Variants in NMNAT2 observed in about 807,000 individuals in gnomAD.
NMNAT2 encodes the protein nicotinamide/nicotinic acid mononucleotide adenylyltransferase 2.
In NMNAT2, 11 loss-of-function variants were observed where a neutral mutation model predicts 41.6. The ratio of observed to expected loss-of-function variants is 0.26; its 90% CI spans 0.17 to 0.44. The LOEUF (loss-of-function observed/expected upper bound fraction) is 0.44, where lower values mean the gene tolerates loss of function less well. Among genes scored for constraint, NMNAT2 ranks in the 20% least tolerant of loss-of-function variants. The pLI is 1.00. For synonymous variants in NMNAT2, 148 were observed against 151.2 expected (o/e 0.98, Z 0.16); for missense variants, 288 against 407.7 (o/e 0.71, Z 2.53).
At chr1:183,284,315 C>T (rs948673983) in intron 6 of NMNAT2, among the ~76,000 whole-genome samples, 1 of 152,210 alleles carries the variant, frequency 6.6e-6, no homozygotes, top group Non-Finnish European at 1.5e-5. Flanking sequence ...CACACACGCT[C>T]ATGCTGAGCG....
chr1:183,254,279 C>T (rs1047596099), intron 10 of NMNAT2, among the ~76,000 whole-genome samples: 11 of 152,114 alleles, frequency 7.2e-5, no homozygotes, highest in Non-Finnish European at 1.2e-4. Context: ...AATAGCTATT[C>T]TAATAGGTGT....
At chr1:183,330,575 T>C (rs1662561309) in intron 1 of NMNAT2, among the ~76,000 whole-genome samples, 1 of 152,192 alleles carries the variant, frequency 6.6e-6, no homozygotes, top group African/African-American at 2.4e-5. Context: ...TTGGTGGCAC[T>C]GGCGCCACAG....
chr1:183,406,781 AT>A (rs1391592458), intron 1 of NMNAT2, among the ~76,000 whole-genome samples: 2 of 151,758 alleles, frequency 1.3e-5, no homozygotes, highest in African/African-American at 4.8e-5. Context: ...CTGCAACTAA[AT>A]AAAAAAGAAA....
chr1:183,347,635 C>T (rs1188933923), intron 1 of NMNAT2, among the ~76,000 whole-genome samples: 1 of 152,090 alleles, frequency 6.6e-6, no homozygotes, highest in African/African-American at 2.4e-5. Context: ...TTTTTAAAGC[C>T]CTCAGCACTG....
rs114111577 is a variant in NMNAT2, at chr1:183,359,623, C to T, written c.85+58560G>A. On this transcript the variant is annotated intron_variant, in intron 1 of 10. Coordinates refer to ENST00000287713, the MANE Select transcript of NMNAT2 (RefSeq NM_015039.4). ...CCAAGCAGGACAGAGGGCATCTTGT[C>T]CTTGTAAGGGATATGTAAGGTGGAG... Among the ~76,000 whole-genome samples the T allele has an allele frequency of 1.6e-3, 243 of 152,222 alleles. 1 individual carries two copies. The highest frequency in any genetic ancestry group is 5.7e-3 in the African/African-American group (236 of 41,544).
chr1:183,252,287 A>G lies in NMNAT2; in HGVS notation c.*354T>C, dbSNP rs201033352. 4.3e-6 allele frequency: 1 copy of G among 233,768 alleles called. No individual in the cohort carries two copies. The highest frequency in any genetic ancestry group is 8.3e-6 in the Non-Finnish European group (1 of 119,912). The allele number at this position is 233,768 out of a possible 1,614,324, so 14.5% of individuals were successfully genotyped here. ...CGCCTCTCTAGAGCATGCTGGGAGG[A>G]TGGGCACCAGAGCCGCCTCCCCAGA... On this transcript the variant is annotated 3_prime_UTR_variant, in exon 11 of 11. Coordinates refer to ENST00000287713, the MANE Select transcript of NMNAT2 (RefSeq NM_015039.4).
chr1:183,385,605 T>C (rs981680540), intron 1 of NMNAT2, among the ~76,000 whole-genome samples: 1 of 152,122 alleles, frequency 6.6e-6, no homozygotes, highest in African/African-American at 2.4e-5. Flanking sequence ...GGAATTTTTT[T>C]TTTTTTTCCA....
intron 1 of NMNAT2, among the ~76,000 whole-genome samples, chr1:183,387,265 G>A (rs1471426342): frequency 1.4e-5 from 2 of 146,102 alleles, no homozygotes; most frequent in African/African-American, 5.0e-5. Context: ...TGTTCTTATC[G>A]AGAAAATATT....
chr1:183,297,788 T>C (rs1368989296), intron 1 of NMNAT2, among the ~76,000 whole-genome samples: 2 of 152,230 alleles, frequency 1.3e-5, no homozygotes, highest in Admixed American at 6.5e-5. Context: ...TCCTTTATGA[T>C]TGAATACTCA....
intron 10 of NMNAT2, among the ~76,000 whole-genome samples, chr1:183,259,725 G>A (rs1043761492): frequency 4.6e-5 from 7 of 152,034 alleles, no homozygotes; most frequent in East Asian, 1.9e-4. Context: ...TCAGTCTCCC[G>A]AGTAGCTGGG....
chr1:183,403,745 C>G (rs1240552479), intron 1 of NMNAT2, among the ~76,000 whole-genome samples: 1 of 152,168 alleles, frequency 6.6e-6, no homozygotes, highest in Admixed American at 6.5e-5. Flanking sequence ...TCTTTATTCA[C>G]TACATTTAAA....
At chr1:183,282,260 G>A (rs931502863) in intron 7 of NMNAT2, among the ~76,000 whole-genome samples, 2 of 152,252 alleles carry the variant, frequency 1.3e-5, no homozygotes, top group African/African-American at 2.4e-5. Context: ...AGAGGTGAGA[G>A]GTCACTCCCC....
At chr1:183,262,069 G>T (rs988411285) in intron 8 of NMNAT2, among the ~76,000 whole-genome samples, 1 of 151,902 alleles carries the variant, frequency 6.6e-6, no homozygotes, top group Non-Finnish European at 1.5e-5. Flanking sequence ...GATACCACAG[G>T]TACATACTAC....
chr1:183,383,629 A>G (rs537668632), intron 1 of NMNAT2, among the ~76,000 whole-genome samples: 7 of 152,354 alleles, frequency 4.6e-5, no homozygotes, highest in Admixed American at 2.0e-4. Context: ...TTCTTCCACC[A>G]GATACCCTAA....
intron 1 of NMNAT2, among the ~76,000 whole-genome samples, chr1:183,309,952 A>C (rs1662073864): frequency 6.6e-6 from 1 of 152,232 alleles, no homozygotes; most frequent in Admixed American, 6.5e-5. Context: ...AAGGCATTGC[A>C]AATATTTTAT....
intron 7 of NMNAT2, among the ~76,000 whole-genome samples, chr1:183,282,496 C>G (rs1454323330): frequency 3.3e-5 from 5 of 152,228 alleles, no homozygotes; most frequent in Non-Finnish European, 7.3e-5. Flanking sequence ...GCTAGGAAGG[C>G]AAGCAAGGCC....
intron 1 of NMNAT2, among the ~76,000 whole-genome samples, chr1:183,397,867 T>G (rs1385881757): frequency 2.0e-5 from 3 of 152,140 alleles, no homozygotes; most frequent in Non-Finnish European, 4.4e-5. Context: ...TGCTGAGAGA[T>G]TTTGTCACCA....
chr1:183,363,552 G>A (rs1314917934), intron 1 of NMNAT2, among the ~76,000 whole-genome samples: 1 of 147,278 alleles, frequency 6.8e-6, no homozygotes, highest in African/African-American at 2.5e-5. Context: ...TTTATTATGA[G>A]GAGTCCCCTA....
At chr1:183,416,227 T>C (rs981742030) in intron 1 of NMNAT2, among the ~76,000 whole-genome samples, 4 of 152,230 alleles carry the variant, frequency 2.6e-5, no homozygotes, top group East Asian at 1.9e-4. Flanking sequence ...CTGTTTCTCT[T>C]GTAATCTAAA....
Sources: allele counts gnomAD v4.1 joint callset (sites outside exome capture counted in the v4.1 genomes callset), GRCh38; gene constraint gnomAD v4.1.1; transcripts MANE v1.5; gene names NCBI Gene and HGNC (gene_info 2026-07-23, HGNC 2026-07-21).